Variants in RBM33 observed in about 807,000 individuals in gnomAD.
The protein encoded by RBM33 is RNA binding motif protein 33.
In RBM33, 28 loss-of-function variants were observed where a neutral mutation model predicts 132.6. That is an observed-to-expected ratio of 0.21 (90% CI 0.16 to 0.29). The LOEUF (loss-of-function observed/expected upper bound fraction) is 0.29. Among genes scored for constraint, RBM33 ranks in the 10% least tolerant of loss-of-function variants. The pLI is 1.00. For missense variants in RBM33, 1,291 were observed against 1,518.5 expected, an observed-to-expected ratio of 0.85 and a Z score of 2.49; for synonymous variants, 634 against 593.0, an observed-to-expected ratio of 1.07 and a Z score of -1.01.
chr7:155,664,731 ATCTCTG>A (rs1245761248), intron 1 of RBM33, among the ~76,000 whole-genome samples: 1 of 152,216 alleles, frequency 6.6e-6, no homozygotes, highest in Non-Finnish European at 1.5e-5. Context: ...TGCTCAGCAC[ATCTCTG>A]CATTATCTCT....
At chr7:155,725,203 GTTTTTTTTTTT>G (rs59050644) in intron 9 of RBM33, among the ~76,000 whole-genome samples, 5 of 105,194 alleles carry the variant, frequency 4.8e-5, no homozygotes, top group Middle Eastern at 5.2e-3. Context: ...TTTTTTAGTT[GTTTTTTTTTTT>G]TTTTTTTTTT....
Position 155,745,655 on chromosome 7 carries a change from T to C in RBM33, c.2979+53T>C. ...CTTTGAGTCTGTGTATCACATAGAATGTCCTCATTTGCAGAGAATGTTTTT... is the reference window on the plus strand; with the variant it reads ...CTTTGAGTCTGTGTATCACATAGAACGTCCTCATTTGCAGAGAATGTTTTT... On this transcript the variant is annotated intron_variant, in intron 14 of 17. Coordinates refer to ENST00000401878, the MANE Select transcript of RBM33 (RefSeq NM_053043.3). This position sits in a 1 kb window ranked among gnomAD's most constrained non-coding sequence, Gnocchi z 4.1. 1 of 1,424,374 alleles carries C rather than the reference T, an allele frequency of 7.0e-7. No homozygotes were observed. The highest frequency in any genetic ancestry group is 1.4e-5 in the African/African-American group (1 of 69,734). 88.2% of individuals were successfully genotyped at this position (1,424,374 alleles called of 1,614,324 possible).
At chr7:155,667,331 A>G (rs1041905938) in intron 2 of RBM33, among the ~76,000 whole-genome samples, 2 of 152,046 alleles carry the variant, frequency 1.3e-5, no homozygotes, top group Non-Finnish European at 2.9e-5. Context: ...CATAGCAAGC[A>G]GGAACTCCTG....
intron 9 of RBM33, among the ~76,000 whole-genome samples, chr7:155,719,602 T>C (rs1181131276): frequency 6.6e-6 from 1 of 152,180 alleles, no homozygotes; most frequent in African/African-American, 2.4e-5. Flanking sequence ...ATTTATTGGG[T>C]ATCTATTTGA....
At chr7:155,772,342 C>T (rs1802458601) in intron 16 of RBM33, among the ~76,000 whole-genome samples, 1 of 152,186 alleles carries the variant, frequency 6.6e-6, no homozygotes, top group Non-Finnish European at 1.5e-5. Flanking sequence ...TCACTCCACA[C>T]AGCCCCTTAC....
Position 155,673,562 on chromosome 7 carries a change from A to ACG in RBM33, c.171+648_171+649insGC, listed in dbSNP as rs1799024840. ...TACATACACACGTGTATATATATAC[A>ACG]CACATATACATACACACGTGTATAT... On this transcript the variant is annotated intron_variant, in intron 3 of 17. Transcript: ENST00000401878. Among the ~76,000 whole-genome samples the ACG allele has an allele frequency of 2.3e-5, 2 of 87,152 alleles. 1 individual carries two copies. Among genetic ancestry groups the ACG allele is most frequent in the African/African-American group, 1.1e-4 (2 of 18,266 alleles). The allele number at this position is 87,152 out of a possible 152,430, so 57.2% of individuals were successfully genotyped here.
At chr7:155,763,564 CTT>C (rs895620500) in intron 14 of RBM33, among the ~76,000 whole-genome samples, 1 of 152,198 alleles carries the variant, frequency 6.6e-6, no homozygotes, top group African/African-American at 2.4e-5. Flanking sequence ...TCGCAGATCT[CTT>C]ATATGAATAT....
chr7:155,774,090 T>C lies in RBM33; in HGVS notation c.3376-469T>C, dbSNP rs761103355. 3.3e-5 allele frequency among the ~76,000 whole-genome samples: 5 copies of C among 152,218 alleles called. No homozygotes were observed. The highest frequency in any genetic ancestry group is 5.9e-5 in the Non-Finnish European group (4 of 68,046). ...CATGGCCCAGCCAGATGCACAGAGATGGTAGACTAGGGGCCATTGCCTACT... is the reference window on the plus strand; with the variant it reads ...CATGGCCCAGCCAGATGCACAGAGACGGTAGACTAGGGGCCATTGCCTACT... On this transcript the variant is annotated intron_variant, in intron 16 of 17. Coordinates refer to ENST00000401878, the MANE Select transcript of RBM33 (RefSeq NM_053043.3). The surrounding 1 kb of genome is among the most constrained non-coding windows in gnomAD (Gnocchi z 4.2).
chr7:155,768,969 T>C (rs570910313), intron 16 of RBM33, among the ~76,000 whole-genome samples: 5 of 152,330 alleles, frequency 3.3e-5, no homozygotes, highest in African/African-American at 7.2e-5. Context: ...CTTTTCTCAG[T>C]GTAGCAGTGA....
chr7:155,775,311 G>A lies in RBM33; in HGVS notation c.*270G>A, dbSNP rs1324692481. 8.4e-6 allele frequency: 5 copies of A among 591,856 alleles called. No homozygotes were observed. The highest frequency in any genetic ancestry group is 1.5e-5 in the Non-Finnish European group (5 of 326,840). The allele number at this position is 591,856 out of a possible 1,614,324, so 36.7% of individuals were successfully genotyped here. On this transcript the variant is annotated 3_prime_UTR_variant, in exon 18 of 18. Coordinates refer to ENST00000401878, the MANE Select transcript of RBM33 (RefSeq NM_053043.3). Reference sequence around the variant, plus strand: ...TTTTTCGTTTTGTTTTGTTTTCAAAGTGCTTACAATGCATGTAGACATTGT... The same window carrying A: ...TTTTTCGTTTTGTTTTGTTTTCAAAATGCTTACAATGCATGTAGACATTGT...
chr7:155,671,182 C>T (rs1267709058), intron 2 of RBM33, among the ~76,000 whole-genome samples: 1 of 152,180 alleles, frequency 6.6e-6, no homozygotes, highest in Non-Finnish European at 1.5e-5. Context: ...TGTTTTCTCC[C>T]TGCCTCTGGA....
At chr7:155,771,233 C>T (rs1782152367) in intron 16 of RBM33, among the ~76,000 whole-genome samples, 1 of 152,178 alleles carries the variant, frequency 6.6e-6, no homozygotes, top group Non-Finnish European at 1.5e-5. Context: ...TATATTTTCA[C>T]AGTGGAAGCT....
At chr7:155,721,193 A>G (rs1429785075) in intron 9 of RBM33, among the ~76,000 whole-genome samples, 2 of 151,874 alleles carry the variant, frequency 1.3e-5, no homozygotes, top group African/African-American at 2.4e-5. Context: ...GTTTACTCCT[A>G]TTTGTGTGAT....
chr7:155,738,437 A>G (rs1801203601), intron 11 of RBM33, 34 bp downstream of exon 11: 5 of 1,562,662 alleles, frequency 3.2e-6, no homozygotes, highest in South Asian at 1.2e-5. Context: ...CAGGGAAAAA[A>G]TGTGTAGCTT....
rs1801132689 is a variant in RBM33, at chr7:155,736,554, T to C, written c.1261-976T>C. ...ATTTTAATTTGTCTCTAAAGAGTTC[T>C]AGTAACATGTAGTTTTTGAAAAATG... On this transcript the variant is annotated intron_variant, in intron 9 of 17. Transcript: ENST00000401878. 4.6e-5 allele frequency among the ~76,000 whole-genome samples: 7 copies of C among 152,338 alleles called. No homozygotes were observed. In the South Asian group the frequency reaches 1.5e-3, roughly 32 times the overall value.
intron 3 of RBM33, among the ~76,000 whole-genome samples, chr7:155,674,251 A>G (rs1392524238): frequency 6.6e-6 from 1 of 152,056 alleles, no homozygotes; most frequent in African/African-American, 2.4e-5. Context: ...TAGTTGGTCC[A>G]TCTTGTAGTG....
chr7:155,646,058 C>T (rs1798179966), intron 1 of RBM33, among the ~76,000 whole-genome samples: 2 of 152,210 alleles, frequency 1.3e-5, no homozygotes, highest in South Asian at 4.1e-4. Context: ...GTTCACCTAT[C>T]TTTCTGGGGG....
chr7:155,651,753 G>A (rs1208856714), intron 1 of RBM33, among the ~76,000 whole-genome samples: 1 of 152,048 alleles, frequency 6.6e-6, no homozygotes, highest in East Asian at 1.9e-4. Context: ...ATAATAGGAG[G>A]GGTCCTATCT....
chr7:155,725,478 T>G (rs1192583458), intron 9 of RBM33, among the ~76,000 whole-genome samples: 1 of 152,108 alleles, frequency 6.6e-6, no homozygotes, highest in Non-Finnish European at 1.5e-5. Flanking sequence ...TCTCCTTAAA[T>G]ATGAAATTGA....
Sources: allele counts gnomAD v4.1 joint callset (sites outside exome capture counted in the v4.1 genomes callset), GRCh38; gene constraint gnomAD v4.1.1; non-coding constraint Gnocchi (gnomAD v3.1); transcripts MANE v1.5; gene names NCBI Gene and HGNC (gene_info 2026-07-23, HGNC 2026-07-21).